Variants in MYO1E observed in about 807,000 individuals in gnomAD.
The protein encoded by MYO1E is myosin IE, also known as unconventional myosin-Ie.
A neutral mutation model predicts 151.1 loss-of-function variants in MYO1E; 68 were observed. The observed-to-expected ratio is 0.45, with a 90% CI of 0.37 to 0.55. MYO1E has a LOEUF of 0.55. Among genes scored for constraint, MYO1E ranks in the 20% least tolerant of loss-of-function variants. MYO1E has a pLI of 0.00. For synonymous variants in MYO1E, 601 were observed against 501.7 expected (o/e 1.20, Z -2.64); for missense variants, 1,363 against 1,389.3 (o/e 0.98, Z 0.30).
rs191045057 is a variant in MYO1E at position 59,209,780 on chromosome 15, G to A, written c.1362+734C>T. 2.5e-3 allele frequency among the ~76,000 whole-genome samples: 340 copies of A among 133,644 alleles called. 2 individuals are homozygous for A. Among genetic ancestry groups the A allele is most frequent in the African/African-American group, 8.9e-3 (320 of 35,890 alleles). 87.7% of individuals were successfully genotyped at this position (133,644 alleles called of 152,430 possible). On this transcript the variant is annotated intron_variant, in intron 13 of 27. Transcript: ENST00000288235. ...TATATATATAAAAAAATCCTATAGA[G>A]ATATTTGTTCTGTATCACTTTTATT...
At chr15:59,339,431 T>G (rs1318441575) in intron 1 of MYO1E, among the ~76,000 whole-genome samples, 1 of 152,244 alleles carries the variant, frequency 6.6e-6, no homozygotes, top group Non-Finnish European at 1.5e-5. Flanking sequence ...TTGACCTAAC[T>G]GACTCCATAC....
chr15:59,368,588 T>C (rs1373923259), intron 1 of MYO1E, among the ~76,000 whole-genome samples: 1 of 151,714 alleles, frequency 6.6e-6, no homozygotes, highest in African/African-American at 2.4e-5. Context: ...CACTAAAAAA[T>C]ACAAAATATT....
chr15:59,342,443 G>T (rs2080771292), intron 1 of MYO1E, among the ~76,000 whole-genome samples: 1 of 152,112 alleles, frequency 6.6e-6, no homozygotes, highest in South Asian at 2.1e-4. Context: ...TCTTCCCAAT[G>T]TTTTCTTTTA....
Position 59,171,934 on chromosome 15 carries a change from T to C in MYO1E, c.2443A>G (p.Lys815Glu), listed in dbSNP as rs1474341476. The change falls in exon 22 of 28, where the codon AAA becomes GAA. Residue 815 changes from lysine (K) to glutamate (E), a missense_variant. By Grantham distance (56) the Lys-to-Glu change is moderately conservative (BLOSUM62 1). Coordinates refer to ENST00000288235, the MANE Select transcript of MYO1E (RefSeq NM_004998.4). ...KGLVKEVLKR[K>E]IEIERILSVS... The stretch of plus-strand genomic sequence containing the variant: ...GACAAGATCCGTTCTATCTCGATTT[T>C]CCGCTTCAGGACTTCTTTCACCAGG... The C allele has an allele frequency of 6.2e-7, 1 of 1,614,222 alleles. No homozygotes were observed. The highest frequency in any genetic ancestry group is 1.7e-5 in the Admixed American group (1 of 60,024).
chr15:59,235,617 C>A (rs1454569058), intron 5 of MYO1E, among the ~76,000 whole-genome samples: 1 of 152,144 alleles, frequency 6.6e-6, no homozygotes, highest in Non-Finnish European at 1.5e-5. Context: ...TTTTGCATTA[C>A]CAAAATTGAC....
At position 59,245,621 on chromosome 15, in the gene MYO1E, T is replaced by TA. The variant is rs563976442; in HGVS notation, c.333-8950dup. Reference sequence around the variant, plus strand: ...AACAACTGCGTCAGGATACTTCAAATAAAAAAAGTAGAAACAGCACCAAAT... The same window carrying TA: ...AACAACTGCGTCAGGATACTTCAAATAAAAAAAAGTAGAAACAGCACCAAAT... On this transcript the variant is annotated intron_variant, in intron 4 of 27. Transcript: ENST00000288235. Among the ~76,000 whole-genome samples, 280 of 152,284 alleles carry TA rather than the reference T, an allele frequency of 1.8e-3. 1 individual carries two copies. Among genetic ancestry groups the TA allele is most frequent in the African/African-American group, 6.4e-3 (265 of 41,564 alleles).
chr15:59,153,362 A>G (rs1231865533), intron 26 of MYO1E, among the ~76,000 whole-genome samples: 8 of 152,332 alleles, frequency 5.3e-5, no homozygotes, highest in African/African-American at 1.9e-4. Context: ...TGTTTCCAAG[A>G]TAAGCCCTCT....
At chr15:59,360,807 GA>G (rs2080880853) in intron 1 of MYO1E, among the ~76,000 whole-genome samples, 1 of 152,170 alleles carries the variant, frequency 6.6e-6, no homozygotes, top group Non-Finnish European at 1.5e-5. Context: ...ATCAGCCAGA[GA>G]AAACTGGAGC....
At chr15:59,221,232 A>C (rs35481817) in intron 9 of MYO1E, among the ~76,000 whole-genome samples, 72,219 of 151,206 alleles carry the variant, frequency 0.48, 20,696 homozygotes, top group Non-Finnish European at 0.67. Context: ...GCTGGTTTCA[A>C]ACTCCTGACC....
At position 59,132,501 on chromosome 15, in the gene MYO1E, A is replaced by G. The variant is rs2079351276; in HGVS notation, c.*4879T>C. On this transcript the variant is annotated 3_prime_UTR_variant, in exon 28 of 28. Transcript: ENST00000288235. ...TCCTGACTTAGGAAATTCTTCCAGG[A>G]TGTCATAAAAAAAGACCTTTAAGAT... 2 of 152,218 alleles carry G rather than the reference A, an allele frequency of 1.3e-5. No homozygotes were observed. Among genetic ancestry groups the G allele is most frequent in the Non-Finnish European group, 2.9e-5 (2 of 68,048 alleles). 9.4% of individuals were successfully genotyped at this position (152,218 alleles called of 1,614,324 possible). A position where few individuals can be genotyped will look rare whatever the true frequency, so the allele number is the denominator to read the frequency against.
At chr15:59,258,583 T>G (rs964280003) in intron 3 of MYO1E, among the ~76,000 whole-genome samples, 2 of 152,234 alleles carry the variant, frequency 1.3e-5, no homozygotes, top group Non-Finnish European at 2.9e-5. Flanking sequence ...CTGGGTGTGA[T>G]GGCTAATGCC....
In MYO1E at chr15:59,163,104, C is replaced by G; in HGVS notation, c.2627+53G>C. On this transcript the variant is annotated intron_variant, in intron 23 of 27. Coordinates refer to ENST00000288235, the MANE Select transcript of MYO1E (RefSeq NM_004998.4). ...CCATCCTGAATCGCAGGGGTGCGAT[C>G]AAGACCCCTTTTTAGCTACACGCAG... 8.7e-6 allele frequency: 14 copies of G among 1,601,246 alleles called. No individual in the cohort carries two copies. The African/African-American group carries it at 1.5e-4, about 17-fold the overall frequency.
At chr15:59,326,302 G>A (rs1159804301) in intron 1 of MYO1E, among the ~76,000 whole-genome samples, 2 of 152,060 alleles carry the variant, frequency 1.3e-5, no homozygotes, top group Non-Finnish European at 2.9e-5. Context: ...GGCAGAAGAC[G>A]AGGTCAGGAG....
chr15:59,330,541 G>A (rs2080691986), intron 1 of MYO1E, among the ~76,000 whole-genome samples: 1 of 152,154 alleles, frequency 6.6e-6, no homozygotes, highest in Non-Finnish European at 1.5e-5. Context: ...ATAGGTACAT[G>A]GCACAGGGAG....
chr15:59,349,971 C>T (rs914314224), intron 1 of MYO1E, among the ~76,000 whole-genome samples: 4 of 152,080 alleles, frequency 2.6e-5, no homozygotes, highest in Admixed American at 6.6e-5. Flanking sequence ...AACTTTAGGG[C>T]GATGTGGTAG....
chr15:59,304,680 T>G (rs1441811514), intron 1 of MYO1E, among the ~76,000 whole-genome samples: 1 of 152,216 alleles, frequency 6.6e-6, no homozygotes, highest in Non-Finnish European at 1.5e-5. Context: ...CGTGATCTGG[T>G]TAGGGCAGAA....
At position 59,138,238 on chromosome 15, in the gene MYO1E, G is replaced by C. The variant is rs762276613; in HGVS notation, c.3210C>G (p.Leu1070=). 3 of 1,614,230 alleles carry C rather than the reference G, an allele frequency of 1.9e-6. No individual in the cohort carries two copies. Among genetic ancestry groups the C allele is most frequent in the Admixed American group, 1.7e-5 (1 of 60,036 alleles). ...YAYDAQDTDE[L]SFNANDIIDI... is the part of the protein sequence containing the mutation. ...CAATAATGTCATTGGCATTAAAGCT[G>C]AGTTCGTCTGTGTCCTGAGCGTCAT... The change falls in exon 27 of 28, where the codon CTC becomes CTG. Residue 1070 remains leucine (L), a synonymous_variant. Coordinates refer to ENST00000288235, the MANE Select transcript of MYO1E (RefSeq NM_004998.4).
intron 26 of MYO1E, among the ~76,000 whole-genome samples, chr15:59,148,107 T>C (rs1566964156): frequency 6.6e-6 from 1 of 152,212 alleles, no homozygotes; most frequent in Admixed American, 6.5e-5. Flanking sequence ...TTATTTAACC[T>C]TCAAGAAAAC....
At chr15:59,157,478 A>T (rs1453030591) in intron 25 of MYO1E, among the ~76,000 whole-genome samples, 1 of 152,164 alleles carries the variant, frequency 6.6e-6, no homozygotes, top group Non-Finnish European at 1.5e-5. Flanking sequence ...ATATTAAATT[A>T]AAGTTCCAGG....
Sources: gnomAD v4.1 joint callset for allele counts (sites outside exome capture counted in the v4.1 genomes callset) on GRCh38, gnomAD v4.1.1 for gene constraint, MANE v1.5 for transcripts, NCBI Gene and HGNC (gene_info 2026-07-23, HGNC 2026-07-21) for gene names.